The following UBOX5 variants were observed in gnomAD, a reference collection of about 807,000 sequenced individuals.
UBOX5 encodes the protein U-box domain containing 5.
In UBOX5, 28 loss-of-function variants were observed where a neutral mutation model predicts 39.0. The observed-to-expected ratio is 0.72, with a 90% confidence interval of 0.53 to 0.98. The LOEUF is 0.98. Among genes scored for constraint, UBOX5 ranks in the 50% least tolerant of loss-of-function variants. The pLI is 0.00. For missense variants in UBOX5, 585 were observed against 674.4 expected (o/e 0.87, Z 1.47); for synonymous variants, 283 against 275.5 (o/e 1.03, Z -0.27).
chr20:3,156,011 A>C (rs996322053), intron 1 of UBOX5, among the ~76,000 whole-genome samples: 3 of 152,222 alleles, frequency 2.0e-5, no homozygotes, highest in Admixed American at 2.0e-4. Flanking sequence ...AGAGAAGAAC[A>C]GTAGGGAGAA....
chr20:3,147,719 TA>T, intron 1 of UBOX5: 1 of 1,614,162 alleles, frequency 6.2e-7, no homozygotes, highest in Non-Finnish European at 8.5e-7. Flanking sequence ...CAGGCTGGAG[TA>T]AAATTCTTCT....
intron 1 of UBOX5, among the ~76,000 whole-genome samples, chr20:3,138,982 G>GA (rs1284375238): frequency 4.6e-5 from 7 of 151,588 alleles, no homozygotes; most frequent in Non-Finnish European, 1.0e-4. Context: ...TTACAGAAGG[G>GA]AAAAAAAAGA....
chr20:3,116,106 C>T (rs900735046), intron 3 of UBOX5, among the ~76,000 whole-genome samples: 3 of 152,152 alleles, frequency 2.0e-5, no homozygotes, highest in South Asian at 2.1e-4. Flanking sequence ...GGCAAGCAAA[C>T]GCCAGCTTTG....
chr20:3,148,751 T>A (rs1294980751), intron 1 of UBOX5: 3 of 1,614,216 alleles, frequency 1.9e-6, no homozygotes, highest in Non-Finnish European at 2.5e-6. Context: ...ATCAAACACT[T>A]CTACGTCCTC....
At chr20:3,142,983 T>G (rs1375174866) in intron 1 of UBOX5, among the ~76,000 whole-genome samples, 1 of 150,876 alleles carries the variant, frequency 6.6e-6, no homozygotes, top group Non-Finnish European at 1.5e-5. Context: ...AAAACTGTAT[T>G]CACAGATGAA....
chr20:3,150,453 A>G (rs998420968), intron 1 of UBOX5: 2 of 152,200 alleles, frequency 1.3e-5, no homozygotes, highest in South Asian at 2.1e-4. Context: ...TTTTTCTCCC[A>G]TGGCAGAAAC....
chr20:3,157,928 C>T (rs2066704599), intron 1 of UBOX5, among the ~76,000 whole-genome samples: 1 of 151,794 alleles, frequency 6.6e-6, no homozygotes, highest in Non-Finnish European at 1.5e-5. Flanking sequence ...CAGGGTCTCG[C>T]TCTGTTGTTC....
chr20:3,148,029 T>C lies in UBOX5; in HGVS notation c.-42+11737A>G, dbSNP rs114872699. The C allele has an allele frequency of 4.5e-5, 72 of 1,614,212 alleles. No individual in the cohort carries two copies. In the East Asian group the frequency reaches 1.6e-3, roughly 35 times the overall value. ...AAGGAGCGACTACTCAGATGCTGAA[T>C]GTTAGCACAAGCCAAGTCTCCAATT... On this transcript the variant is annotated intron_variant, in intron 1 of 4. Transcript: ENST00000217173.
chr20:3,117,022 G>A (rs1218187948), intron 3 of UBOX5, among the ~76,000 whole-genome samples: 1 of 151,998 alleles, frequency 6.6e-6, no homozygotes, highest in Non-Finnish European at 1.5e-5. Flanking sequence ...CTTGAACTCA[G>A]GAGGCAGAGG....
chr20:3,109,478 A>G lies in UBOX5; in HGVS notation c.*628T>C, dbSNP rs913555. 0.73 allele frequency: 112,431 copies of G among 153,940 alleles called. 42,282 individuals are homozygous for G. Among genetic ancestry groups the G allele is most frequent in the African/African-American group, 0.91 (37,816 of 41,498 alleles). The allele number at this position is 153,940 out of a possible 1,614,324, so 9.5% of individuals were successfully genotyped here. ...ATTCCAGTTTGTGTCCTTTCAGGTC[A>G]TCGACAGGAATGACAGCCTGGCAAG... On this transcript the variant is annotated 3_prime_UTR_variant, in exon 5 of 5. Transcript: ENST00000217173.
At chr20:3,115,567 A>C in intron 3 of UBOX5, 101 bp from the exon 4 acceptor site, 3 of 1,279,416 alleles carry the variant, frequency 2.3e-6, no homozygotes, top group Non-Finnish European at 3.2e-6. Flanking sequence ...CTCCAATCTC[A>C]CACATCAATG....
chr20:3,133,755 T>TG (rs1334874552), intron 1 of UBOX5, among the ~76,000 whole-genome samples: 5 of 121,938 alleles, frequency 4.1e-5, no homozygotes, highest in Non-Finnish European at 9.7e-5. Flanking sequence ...CTTATTTTTT[T>TG]TGGGGGGGGG....
chr20:3,150,365 G>A (rs1012658165), intron 1 of UBOX5, among the ~76,000 whole-genome samples: 9 of 152,160 alleles, frequency 5.9e-5, no homozygotes, highest in African/African-American at 1.4e-4. Context: ...CAACTGCCCC[G>A]CTGACATCTT....
chr20:3,141,356 A>G (rs1026443669), intron 1 of UBOX5, among the ~76,000 whole-genome samples: 2 of 152,204 alleles, frequency 1.3e-5, no homozygotes, highest in Admixed American at 1.3e-4. Flanking sequence ...GGAATAAAAA[A>G]TAACTTCCTC....
intron 1 of UBOX5, among the ~76,000 whole-genome samples, chr20:3,143,945 G>A (rs909230800): frequency 2.0e-5 from 3 of 152,112 alleles, no homozygotes; most frequent in South Asian, 4.1e-4. Context: ...GTGACAGAGC[G>A]AGACCCTATA....
intron 3 of UBOX5, among the ~76,000 whole-genome samples, chr20:3,120,645 CAA>C (rs1183467647): frequency 3.8e-4 from 27 of 70,828 alleles, no homozygotes; most frequent in Non-Finnish European, 3.3e-4. Context: ...GACTCCATCT[CAA>C]AAAAAAAAAA....
At position 3,109,049 on chromosome 20, in the gene UBOX5, C is replaced by T. The variant is rs1190980888; in HGVS notation, c.*1057G>A. ...AGGAATGTGCCGGTTCACAGGGACC[C>T]GCGGCTAAGCTCAAGGGTAAAATAC... On this transcript the variant is annotated 3_prime_UTR_variant, in exon 5 of 5. Transcript: ENST00000217173. 2 of 152,004 alleles carry T rather than the reference C, an allele frequency of 1.3e-5. No individual in the cohort carries two copies. Among genetic ancestry groups the T allele is most frequent in the Non-Finnish European group, 2.9e-5 (2 of 68,030 alleles). 9.4% of individuals were successfully genotyped at this position (152,004 alleles called of 1,614,324 possible). A position where few individuals can be genotyped will look rare whatever the true frequency, so the allele number is the denominator to read the frequency against.
At chr20:3,158,620 GC>G (rs945755165) in intron 1 of UBOX5, among the ~76,000 whole-genome samples, 40 of 151,040 alleles carry the variant, frequency 2.6e-4, no homozygotes, top group South Asian at 1.3e-3. Context: ...GACTACAGGC[GC>G]CCGCCACCAC....
rs200487755 is a variant in UBOX5 at position 3,146,363 on chromosome 20, CT to C, written c.-42+13402del. 4.6e-3 allele frequency among the ~76,000 whole-genome samples: 474 copies of C among 103,750 alleles called. 6 individuals carry two copies. The highest frequency in any genetic ancestry group is 0.018 in the African/African-American group (416 of 23,758). 68.1% of individuals were successfully genotyped at this position (103,750 alleles called of 152,430 possible). A position where few individuals can be genotyped will look rare whatever the true frequency, so the allele number is the denominator to read the frequency against. ...CTCAAAAAACAAACAAAAAAACTGG[CT>C]TTAAAAAAAAAAAAAATCTGTAAGG... On this transcript the variant is annotated intron_variant, in intron 1 of 4. Coordinates refer to ENST00000217173, the MANE Select transcript of UBOX5 (RefSeq NM_014948.4).
Sources: gnomAD v4.1 joint callset for allele counts (sites outside exome capture counted in the v4.1 genomes callset) on GRCh38, gnomAD v4.1.1 for gene constraint, MANE v1.5 for transcripts, NCBI Gene and HGNC (gene_info 2026-07-23, HGNC 2026-07-21) for gene names.